Variants in ALCAM observed in about 807,000 individuals in gnomAD.
ALCAM encodes activated leukocyte cell adhesion molecule.
ALCAM carries 30 observed loss-of-function variants against 70.9 expected under a neutral mutation model. The ratio of observed to expected loss-of-function variants is 0.42; its 90% confidence interval spans 0.32 to 0.57. The LOEUF (loss-of-function observed/expected upper bound fraction) is 0.57, where lower values mean the gene tolerates loss of function less well. Ranked by LOEUF, ALCAM falls within the 20% of genes least tolerant of loss-of-function variation. The probability of loss-of-function intolerance (pLI) is 0.11; values close to 1 mark genes in which losing one functional copy is unlikely to be tolerated. For missense variants in ALCAM, 591 were observed against 695.1 expected (o/e 0.85, Z 1.68); for synonymous variants, 249 against 242.5 (o/e 1.03, Z -0.25).
chr3:105,496,439 A>G (rs1938739599), intron 1 of ALCAM, among the ~76,000 whole-genome samples: 1 of 152,200 alleles, frequency 6.6e-6, no homozygotes, highest in South Asian at 2.1e-4. Context: ...AAATGGGATA[A>G]GGATGGAGGG....
chr3:105,497,430 A>G (rs1260812754), intron 1 of ALCAM, among the ~76,000 whole-genome samples: 2 of 152,164 alleles, frequency 1.3e-5, no homozygotes, highest in African/African-American at 2.4e-5. Context: ...GCCTTACTGG[A>G]TGTGTATTGT....
chr3:105,541,128 G>A (rs529178117), intron 7 of ALCAM, among the ~76,000 whole-genome samples: 2 of 150,404 alleles, frequency 1.3e-5, no homozygotes, highest in East Asian at 3.9e-4. Flanking sequence ...TTTTTCTTTT[G>A]TCATTTTCTT....
intron 1 of ALCAM, among the ~76,000 whole-genome samples, chr3:105,512,695 T>C (rs2152620376): frequency 6.6e-6 from 1 of 151,936 alleles, no homozygotes; most frequent in Non-Finnish European, 1.5e-5. Flanking sequence ...ATTTAGTTCT[T>C]TAGCAAGAAT....
intron 1 of ALCAM, among the ~76,000 whole-genome samples, chr3:105,443,720 T>C (rs1937232215): frequency 6.6e-6 from 1 of 152,218 alleles, no homozygotes; most frequent in Non-Finnish European, 1.5e-5. Flanking sequence ...AGGTTTCAAA[T>C]GGTTCTGCAT....
intron 1 of ALCAM, among the ~76,000 whole-genome samples, chr3:105,413,159 G>A (rs534756672): frequency 2.5e-4 from 38 of 152,088 alleles, no homozygotes; most frequent in Non-Finnish European, 4.7e-4. Flanking sequence ...CCATTTCTTC[G>A]ACTGTAAAAT....
intron 14 of ALCAM, among the ~76,000 whole-genome samples, chr3:105,560,059 A>G (rs918344870): frequency 3.9e-5 from 6 of 152,238 alleles, no homozygotes; most frequent in East Asian, 1.9e-4. Context: ...ATATGTTTCT[A>G]TTCTCTTGGG....
chr3:105,476,444 T>C (rs75615622), intron 1 of ALCAM, among the ~76,000 whole-genome samples: 2,455 of 152,200 alleles, frequency 0.016, 74 homozygotes, highest in African/African-American at 0.056. Flanking sequence ...AGTTTTTGCC[T>C]AAATTTATTA....
intron 11 of ALCAM, among the ~76,000 whole-genome samples, chr3:105,548,068 A>G (rs1385161118): frequency 2.0e-5 from 3 of 151,526 alleles, no homozygotes; most frequent in African/African-American, 4.8e-5. Context: ...AGCTACATAT[A>G]TAGTGCCTAG....
chr3:105,457,185 A>G (rs1937544701), intron 1 of ALCAM, among the ~76,000 whole-genome samples: 2 of 152,208 alleles, frequency 1.3e-5, no homozygotes, highest in South Asian at 4.1e-4. Flanking sequence ...TTTGCCAAGA[A>G]TAATGGCCTC....
chr3:105,457,125 G>A (rs1176337222), intron 1 of ALCAM, among the ~76,000 whole-genome samples: 1 of 152,108 alleles, frequency 6.6e-6, no homozygotes, highest in Admixed American at 6.6e-5. Flanking sequence ...TTATGCTAAA[G>A]GACTTAATAT....
intron 1 of ALCAM, among the ~76,000 whole-genome samples, chr3:105,494,391 A>C (rs138157015): frequency 6.6e-6 from 1 of 152,234 alleles, no homozygotes; most frequent in African/African-American, 2.4e-5. Flanking sequence ...TATAACAATG[A>C]ATCTTTTGTT....
chr3:105,419,762 T>G (rs1936598401), intron 1 of ALCAM, among the ~76,000 whole-genome samples: 1 of 151,852 alleles, frequency 6.6e-6, no homozygotes, highest in African/African-American at 2.4e-5. Flanking sequence ...AACAGTTTGT[T>G]GTGGCCAAAA....
At chr3:105,569,554 G>A (rs1940820189) in intron 14 of ALCAM, among the ~76,000 whole-genome samples, 1 of 151,986 alleles carries the variant, frequency 6.6e-6, no homozygotes, top group South Asian at 2.1e-4. Context: ...AAAGCAGCTG[G>A]GTATGTATGG....
intron 1 of ALCAM, among the ~76,000 whole-genome samples, chr3:105,381,630 G>A (rs938123137): frequency 2.0e-5 from 3 of 151,844 alleles, no homozygotes; most frequent in African/African-American, 7.3e-5. Context: ...AGTTTACAGT[G>A]TCTAAAAGCA....
At chr3:105,525,328 CTG>C (rs2152624664) in intron 3 of ALCAM, 3 of 982,128 alleles carry the variant, frequency 3.1e-6, no homozygotes, top group Admixed American at 6.2e-5. Context: ...GTGCAAATAA[CTG>C]TGCAAATGAA....
At chr3:105,475,905 C>A (rs1229337310) in intron 1 of ALCAM, among the ~76,000 whole-genome samples, 1 of 151,836 alleles carries the variant, frequency 6.6e-6, no homozygotes, top group Non-Finnish European at 1.5e-5. Context: ...TCACCTTCTT[C>A]TTCCTTCCTC....
intron 1 of ALCAM, among the ~76,000 whole-genome samples, chr3:105,456,441 A>G (rs1464288617): frequency 6.6e-6 from 1 of 152,194 alleles, no homozygotes; most frequent in Non-Finnish European, 1.5e-5. Flanking sequence ...AATGATTTCA[A>G]TGTTATATTA....
At chr3:105,556,662 A>G (rs1940524883) in intron 14 of ALCAM, among the ~76,000 whole-genome samples, 1 of 152,006 alleles carries the variant, frequency 6.6e-6, no homozygotes, top group African/African-American at 2.4e-5. Context: ...TAACAATGTT[A>G]ATTAAGCCTT....
chr3:105,430,142 AG>A (rs1404862211), intron 1 of ALCAM, among the ~76,000 whole-genome samples: 1 of 152,032 alleles, frequency 6.6e-6, no homozygotes, highest in Non-Finnish European at 1.5e-5. Flanking sequence ...TGTATAGAAA[AG>A]TTGTAAAACT....
Sources: gnomAD v4.1 joint callset for allele counts (sites outside exome capture counted in the v4.1 genomes callset) on GRCh38, gnomAD v4.1.1 for gene constraint, MANE v1.5 for transcripts, NCBI Gene and HGNC (gene_info 2026-07-23, HGNC 2026-07-21) for gene names.